WDFY3: variants seen among roughly 807,000 people sequenced by gnomAD.
WDFY3 encodes WD repeat and FYVE domain containing 3, also known as WD repeat and FYVE domain-containing protein 3.
Under a neutral mutation model 409.6 loss-of-function variants are expected in WDFY3, and 66 were observed. The ratio of observed to expected loss-of-function variants is 0.16; its 90% confidence interval spans 0.13 to 0.20. The LOEUF (loss-of-function observed/expected upper bound fraction) is 0.20, where lower values mean the gene tolerates loss of function less well. Among genes scored for constraint, WDFY3 ranks in the 10% least tolerant of loss-of-function variants. WDFY3 has a pLI of 1.00. For missense variants in WDFY3, 3,031 were observed against 4,298.1 expected (o/e 0.71, Z 8.24); for synonymous variants, 1,521 against 1,537.1 (o/e 0.99, Z 0.25).
intron 15 of WDFY3, among the ~76,000 whole-genome samples, chr4:84,806,418 G>A (rs1751514543): frequency 6.6e-6 from 1 of 152,106 alleles, no homozygotes; most frequent in African/African-American, 2.4e-5. Context: ...ACACGGATTA[G>A]GGCTCAATCA....
intron 38 of WDFY3, 111 bp from the exon 39 acceptor site, chr4:84,740,527 G>A (rs1738223989): frequency 1.0e-6 from 1 of 972,712 alleles, no homozygotes. Context: ...GCCATGCTAA[G>A]TATGCAGGTG....
chr4:84,933,389 AATTTTT>A (rs1035818003), intron 1 of WDFY3, among the ~76,000 whole-genome samples: 5 of 152,026 alleles, frequency 3.3e-5, no homozygotes, highest in Non-Finnish European at 5.9e-5. Context: ...CCCTCTTTTT[AATTTTT>A]ATTTTTAATT....
chr4:84,784,867 T>C (rs1211081710), intron 24 of WDFY3, among the ~76,000 whole-genome samples: 3 of 48,284 alleles, frequency 6.2e-5, no homozygotes, highest in South Asian at 7.0e-4. Context: ...TGTATATATA[T>C]ATATATATAT....
intron 1 of WDFY3, among the ~76,000 whole-genome samples, chr4:84,949,613 T>C (rs2151102862): frequency 6.6e-6 from 1 of 152,332 alleles, no homozygotes; most frequent in South Asian, 2.1e-4. Flanking sequence ...ATGAAACTTA[T>C]TCAATTTCTA....
intron 1 of WDFY3, among the ~76,000 whole-genome samples, chr4:84,942,130 T>C (rs942946243): frequency 6.6e-6 from 1 of 152,056 alleles, no homozygotes; most frequent in Non-Finnish European, 1.5e-5. Context: ...CATTGTTACT[T>C]TGAGTTAGGC....
intron 4 of WDFY3, among the ~76,000 whole-genome samples, chr4:84,854,245 T>C (rs938802096): frequency 2.0e-5 from 3 of 152,108 alleles, no homozygotes; most frequent in East Asian, 3.9e-4. Context: ...CAAAGTGAGA[T>C]TGATTCTGGG....
chr4:84,750,039 T>C (rs1740231748), intron 36 of WDFY3, among the ~76,000 whole-genome samples: 1 of 152,228 alleles, frequency 6.6e-6, no homozygotes, highest in Non-Finnish European at 1.5e-5. Flanking sequence ...TTTCCAGTCA[T>C]TCCATATCTT....
At chr4:84,673,053 A>C in intron 67 of WDFY3, 62 bp from the exon 68 acceptor site, 2 of 1,602,186 alleles carry the variant, frequency 1.2e-6, no homozygotes, top group South Asian at 1.1e-5. Context: ...TGGGCACCGG[A>C]AACATTAATA....
intron 26 of WDFY3, 71 bp from the exon 27 acceptor site, chr4:84,778,726 CACAT>C (rs1745983443): frequency 7.5e-6 from 11 of 1,461,402 alleles, no homozygotes; most frequent in Admixed American, 6.4e-5. Context: ...CACAAACACA[CACAT>C]ACACACACAA....
chr4:84,942,727 T>C (rs540178655), intron 1 of WDFY3, among the ~76,000 whole-genome samples: 7 of 152,258 alleles, frequency 4.6e-5, no homozygotes, highest in Non-Finnish European at 7.3e-5. Flanking sequence ...AAAATATCTG[T>C]TCAAATTATT....
intron 30 of WDFY3, among the ~76,000 whole-genome samples, chr4:84,769,559 T>C (rs1471908416): frequency 6.6e-6 from 1 of 151,710 alleles, no homozygotes; most frequent in African/African-American, 2.4e-5. Context: ...GGACTACAGG[T>C]GACTGCCACC....
intron 39 of WDFY3, chr4:84,739,359 A>G (rs1412948650): frequency 1.2e-5 from 5 of 408,712 alleles, no homozygotes; most frequent in Non-Finnish European, 1.8e-5. Context: ...AATATTTAAC[A>G]TGCCTTTTGA....
In WDFY3 at chr4:84,671,372, T is replaced by G. The variant is rs1725421047; in HGVS notation, c.*1496A>C. The G allele has an allele frequency of 6.6e-6, 1 of 152,588 alleles. No individual in the cohort carries two copies. Among genetic ancestry groups the G allele is most frequent in the Admixed American group, 6.5e-5 (1 of 15,276 alleles). The allele number at this position is 152,588 out of a possible 1,614,324, so 9.5% of individuals were successfully genotyped here. On this transcript the variant is annotated 3_prime_UTR_variant, in exon 68 of 68. Transcript: ENST00000295888. ...ACCTGTGAAGGTGTGAAGGCCTATC[T>G]TGGGCCATTAATGATTCTATATTTT... is the stretch of plus-strand genomic sequence containing the variant.
chr4:84,700,843 C>CT, intron 56 of WDFY3, among the ~76,000 whole-genome samples: 1 of 152,214 alleles, frequency 6.6e-6, no homozygotes, highest in East Asian at 1.9e-4. Context: ...TGGCTCACGC[C>CT]TGTAACCACT....
intron 13 of WDFY3, 85 bp downstream of exon 13, chr4:84,817,307 C>A: frequency 6.6e-7 from 1 of 1,515,890 alleles, no homozygotes; most frequent in Non-Finnish European, 8.9e-7. Context: ...TTTTAATTTC[C>A]CTGTCTCTAA....
At chr4:84,905,745 A>G (rs1444890954) in intron 2 of WDFY3, among the ~76,000 whole-genome samples, 1 of 152,070 alleles carries the variant, frequency 6.6e-6, no homozygotes, top group African/African-American at 2.4e-5. Flanking sequence ...AAAATTCTAG[A>G]TATCTGATCC....
intron 5 of WDFY3, among the ~76,000 whole-genome samples, chr4:84,841,926 A>AAT (rs1323590054): frequency 6.6e-6 from 1 of 152,162 alleles, no homozygotes; most frequent in African/African-American, 2.4e-5. Flanking sequence ...GTGAGAGGGA[A>AAT]ATAAGAGGTT....
chr4:84,753,638 A>ACTAATTCCAGTTCTGATATT, intron 35 of WDFY3, 59 bp downstream of exon 35: 6 of 1,481,698 alleles, frequency 4.0e-6, no homozygotes, highest in Non-Finnish European at 3.6e-6. Flanking sequence ...ATTGAAACAG[A>ACTAATTCCAGTTCTGATATT]CTAATTCCAG....
chr4:84,928,697 GA>G (rs1234879962), intron 2 of WDFY3, among the ~76,000 whole-genome samples: 2 of 152,038 alleles, frequency 1.3e-5, no homozygotes. Flanking sequence ...CTTAGTTGTT[GA>G]AAATGACCAC....
Sources: gnomAD v4.1 joint callset for allele counts (sites outside exome capture counted in the v4.1 genomes callset) on GRCh38, gnomAD v4.1.1 for gene constraint, MANE v1.5 for transcripts, NCBI Gene and HGNC (gene_info 2026-07-23, HGNC 2026-07-21) for gene names.